NSD2: variants seen among roughly 807,000 people sequenced by gnomAD.
NSD2 encodes nuclear receptor binding SET domain protein 2.
Under a neutral mutation model 139.0 loss-of-function variants are expected in NSD2, and 12 were observed. The observed-to-expected ratio is 0.09, with a 90% CI of 0.06 to 0.14. The LOEUF is 0.14. NSD2 is among the 10% of genes least tolerant of loss of function. The pLI, the probability that NSD2 is intolerant of heterozygous loss-of-function variation, is 1.00. For missense variants in NSD2, 1,155 were observed against 1,745.0 expected, an observed-to-expected ratio of 0.66 and a Z score of 6.02; for synonymous variants, 669 against 648.7, an observed-to-expected ratio of 1.03 and a Z score of -0.48.
chr4:1,945,742 C>G (rs1392866070), intron 9 of NSD2: 6 of 1,063,990 alleles, frequency 5.6e-6, no homozygotes, highest in African/African-American at 1.6e-5. Flanking sequence ...AGAGGCTCCT[C>G]TGATGGCTGA....
intron 18 of NSD2, among the ~76,000 whole-genome samples, chr4:1,970,478 C>T (rs189631975): frequency 1.8e-4 from 27 of 152,296 alleles, no homozygotes; most frequent in Admixed American, 9.8e-4. Context: ...AGGTGAAGCT[C>T]CAGCAACAAG....
chr4:1,961,221 C>T, intron 18 of NSD2, 70 bp downstream of exon 18: 1 of 1,295,314 alleles, frequency 7.7e-7, no homozygotes. Context: ...ACCTGTAGAA[C>T]TGGACTTTGC....
At chr4:1,901,366 G>A in intron 2 of NSD2, 115 bp downstream of exon 2, 3 of 949,652 alleles carry the variant, frequency 3.2e-6, no homozygotes, top group Non-Finnish European at 4.7e-6. Context: ...GACAGGCCTG[G>A]TACTTCCAGC....
intron 11 of NSD2, chr4:1,952,675 G>C: frequency 9.5e-7 from 1 of 1,049,246 alleles, no homozygotes; most frequent in Non-Finnish European, 1.2e-6. Context: ...TTGAGCCTCA[G>C]TTTCAACAGA....
chr4:1,919,387 G>T (rs1165483088), intron 5 of NSD2, among the ~76,000 whole-genome samples: 1 of 152,062 alleles, frequency 6.6e-6, no homozygotes, highest in Non-Finnish European at 1.5e-5. Context: ...ATTTAAAAGG[G>T]TAGCAATGTG....
intron 8 of NSD2, 126 bp downstream of exon 8, chr4:1,938,658 A>G (rs2108892669): frequency 3.0e-6 from 2 of 667,596 alleles, no homozygotes; most frequent in Non-Finnish European, 2.4e-6. Flanking sequence ...GGAGGAATCC[A>G]CAATTAAGCT....
Position 1,935,222 on chromosome 4 carries a change from C to A in NSD2, c.1634C>A (p.Pro545His). The A allele has an allele frequency of 6.2e-7, 1 of 1,613,180 alleles. No homozygotes were observed. Among genetic ancestry groups the A allele is most frequent in the South Asian group, 1.1e-5 (1 of 90,958 alleles). Reference protein sequence around the residue: ...PTEDAEAEDTPRKRLRTDKHS... With the variant: ...PTEDAEAEDTHRKRLRTDKHS... Reference sequence around the variant, plus strand: ...GAAGATGCTGAAGCTGAGGACACACCCAGGAAAAGACTCAGGACGGACAAG... The same window carrying A: ...GAAGATGCTGAAGCTGAGGACACACACAGGAAAAGACTCAGGACGGACAAG... Residue 545 changes from proline to histidine, a missense_variant, in exon 7 of 22, where the codon CCC becomes CAC. By Grantham distance (77) the Pro-to-His change is moderately conservative (BLOSUM62 -2). Coordinates refer to ENST00000508803, the MANE Select transcript of NSD2 (RefSeq NM_001042424.3).
At chr4:1,961,286 C>T (rs1725340141) in intron 18 of NSD2, 135 bp downstream of exon 18, 1 of 730,924 alleles carries the variant, frequency 1.4e-6, no homozygotes, top group East Asian at 2.5e-5. Flanking sequence ...AACATCTGCA[C>T]ATTTTCTTCT....
chr4:1,883,477 C>A (rs1375839910), intron 1 of NSD2, among the ~76,000 whole-genome samples: 3 of 152,020 alleles, frequency 2.0e-5, no homozygotes, highest in Non-Finnish European at 4.4e-5. Flanking sequence ...ACTAAAAATA[C>A]AAAAAATAGC....
chr4:1,951,326 C>A, intron 10 of NSD2, 123 bp downstream of exon 10: 1 of 1,363,294 alleles, frequency 7.3e-7, no homozygotes, highest in Non-Finnish European at 1.0e-6. Flanking sequence ...CACCGTCACT[C>A]ACTCATCTCT....
intron 5 of NSD2, among the ~76,000 whole-genome samples, chr4:1,924,920 C>T (rs1451456963): frequency 6.6e-6 from 1 of 152,142 alleles, no homozygotes; most frequent in East Asian, 1.9e-4. Context: ...GAGCGAGACC[C>T]TGTCAAAGCA....
rs1727752343 is a variant in NSD2 at position 1,981,422 on chromosome 4, C to G, written c.*2513C>G. Reference sequence around the variant, plus strand: ...GAGGACGTGGTGACTTCCTGAACATCAGCTTCAATCCTCCATCATTAATGT... The same window carrying G: ...GAGGACGTGGTGACTTCCTGAACATGAGCTTCAATCCTCCATCATTAATGT... On this transcript the variant is annotated 3_prime_UTR_variant, in exon 22 of 22. Transcript: ENST00000508803. 8.5e-6 allele frequency: 2 copies of G among 233,926 alleles called. No homozygotes were observed. Among genetic ancestry groups the G allele is most frequent in the East Asian group, 1.2e-4 (2 of 16,628 alleles). The allele number at this position is 233,926 out of a possible 1,614,324, so 14.5% of individuals were successfully genotyped here. A position where few individuals can be genotyped will look rare whatever the true frequency, so the allele number is the denominator to read the frequency against.
chr4:1,872,969 T>A lies in NSD2; in HGVS notation c.-30+1427T>A, dbSNP rs542638297. Among the ~76,000 whole-genome samples the A allele has an allele frequency of 3.3e-5, 5 of 152,326 alleles. No homozygotes were observed. In the South Asian group the frequency reaches 1.0e-3, roughly 32 times the overall value. On this transcript the variant is annotated intron_variant, in intron 1 of 21. Transcript: ENST00000508803. The stretch of plus-strand genomic sequence containing the variant: ...ACGCCAACAACATAAAGCAAACAAG[T>A]TCTGTGAGCACAGCCTTTCCTTGTG...
At chr4:1,898,096 T>TC (rs1324887013) in intron 1 of NSD2, among the ~76,000 whole-genome samples, 4 of 152,136 alleles carry the variant, frequency 2.6e-5, no homozygotes, top group Non-Finnish European at 5.9e-5. Context: ...TTCCTTTTTT[T>TC]CCCCCTTCTT....
intron 3 of NSD2, among the ~76,000 whole-genome samples, chr4:1,916,098 C>G (rs553717048): frequency 2.6e-5 from 4 of 152,118 alleles, no homozygotes; most frequent in African/African-American, 7.2e-5. Context: ...ACTCTGTGGT[C>G]TGAGCTGCTC....
At chr4:1,904,884 A>G (rs1386021103) in intron 3 of NSD2, among the ~76,000 whole-genome samples, 1 of 152,152 alleles carries the variant, frequency 6.6e-6, no homozygotes, top group Non-Finnish European at 1.5e-5. Flanking sequence ...TAATCCCAAC[A>G]CTTTGGGAGG....
intron 3 of NSD2, among the ~76,000 whole-genome samples, chr4:1,914,106 T>A (rs1719044568): frequency 6.6e-6 from 1 of 152,174 alleles, no homozygotes; most frequent in East Asian, 1.9e-4. Context: ...TGCTGCAACC[T>A]CTGCCACTTG....
rs372660600 is a variant in NSD2 at position 1,911,587 on chromosome 4, C to CAAA, written c.761-5266_761-5264dup. Among the ~76,000 whole-genome samples, 282 of 42,016 alleles carry CAAA rather than the reference C, an allele frequency of 6.7e-3. 13 individuals are homozygous for CAAA. The highest frequency in any genetic ancestry group is 0.011 in the South Asian group (10 of 934). The allele number at this position is 42,016 out of a possible 152,430, so 27.6% of individuals were successfully genotyped here. Reference sequence around the variant, plus strand: ...TGGGCGACAGAGCGAGACGCCATCTCAAAAAAAAAAAAAAAAAAAAGAAAA... The same window carrying CAAA: ...TGGGCGACAGAGCGAGACGCCATCTCAAAAAAAAAAAAAAAAAAAAAAAGAAAA... On this transcript the variant is annotated intron_variant, in intron 3 of 21. Transcript: ENST00000508803.
At chr4:1,896,290 G>A (rs1254429896) in intron 1 of NSD2, among the ~76,000 whole-genome samples, 1 of 152,234 alleles carries the variant, frequency 6.6e-6, no homozygotes, top group Non-Finnish European at 1.5e-5. Context: ...AAACCCTGGG[G>A]TCCTGCCATG....
Sources: allele counts gnomAD v4.1 joint callset (sites outside exome capture counted in the v4.1 genomes callset), GRCh38; gene constraint gnomAD v4.1.1; transcripts MANE v1.5; gene names NCBI Gene and HGNC (gene_info 2026-07-23, HGNC 2026-07-21).